Variants in FBXL7 observed in about 807,000 individuals in gnomAD.
FBXL7 encodes the protein F-box/LRR-repeat protein 7.
FBXL7 carries 12 observed loss-of-function variants against 38.3 expected under a neutral mutation model. The ratio of observed to expected loss-of-function variants is 0.31; its 90% CI spans 0.20 to 0.51. The LOEUF (loss-of-function observed/expected upper bound fraction) is 0.51. FBXL7 is among the 20% of genes least tolerant of loss of function. The pLI is 0.98. For synonymous variants in FBXL7, 297 were observed against 300.9 expected (o/e 0.99, Z 0.13); for missense variants, 567 against 676.4 (o/e 0.84, Z 1.79).
chr5:15,760,522 C>A (rs1046770809), intron 2 of FBXL7, among the ~76,000 whole-genome samples: 2 of 151,856 alleles, frequency 1.3e-5, no homozygotes, highest in South Asian at 4.2e-4. Context: ...TTTTCACAGG[C>A]TCATCATTGC....
chr5:15,526,964 A>G (rs1288926001), intron 1 of FBXL7, among the ~76,000 whole-genome samples: 2 of 152,204 alleles, frequency 1.3e-5, no homozygotes, highest in Admixed American at 1.3e-4. Context: ...GGTTTATTTC[A>G]AAATGAATCT....
chr5:15,632,710 C>T (rs1741040800), intron 2 of FBXL7, among the ~76,000 whole-genome samples: 1 of 152,114 alleles, frequency 6.6e-6, no homozygotes, highest in South Asian at 2.1e-4. Flanking sequence ...AAAATTATGT[C>T]CTTTGCAGTA....
chr5:15,857,304 G>A (rs1183666839), intron 2 of FBXL7, among the ~76,000 whole-genome samples: 1 of 152,118 alleles, frequency 6.6e-6, no homozygotes, highest in African/African-American at 2.4e-5. Context: ...AGAGTTCCAG[G>A]CACTGTTCTA....
chr5:15,792,460 A>G (rs751765861), intron 2 of FBXL7, among the ~76,000 whole-genome samples: 2 of 152,114 alleles, frequency 1.3e-5, no homozygotes, highest in African/African-American at 2.4e-5. Flanking sequence ...TGAAAGCTCA[A>G]TGTCTGAACG....
intron 2 of FBXL7, among the ~76,000 whole-genome samples, chr5:15,642,678 TTAGATAGGAGACAGAC>T (rs1210034221): frequency 7.9e-5 from 12 of 152,076 alleles, no homozygotes; most frequent in Non-Finnish European, 1.8e-4. Flanking sequence ...CTTTGTACTC[TTAGATAGGAGACAGAC>T]CTAGATAGGA....
At chr5:15,658,740 G>C (rs1741962346) in intron 2 of FBXL7, among the ~76,000 whole-genome samples, 1 of 152,088 alleles carries the variant, frequency 6.6e-6, no homozygotes, top group Admixed American at 6.6e-5. Context: ...AATCAGAACG[G>C]AACAGAACAG....
chr5:15,526,281 C>T (rs1176974779), intron 1 of FBXL7, among the ~76,000 whole-genome samples: 4 of 152,004 alleles, frequency 2.6e-5, no homozygotes, highest in Non-Finnish European at 4.4e-5. Context: ...TGGGCTGGCA[C>T]AGTGATCTTG....
intron 2 of FBXL7, among the ~76,000 whole-genome samples, chr5:15,692,992 T>C (rs1743226837): frequency 6.6e-6 from 1 of 152,164 alleles, no homozygotes; most frequent in African/African-American, 2.4e-5. Flanking sequence ...GTTGGAGTAA[T>C]GCTGCTTAAA....
chr5:15,646,995 A>C (rs1306311729), intron 2 of FBXL7, among the ~76,000 whole-genome samples: 1 of 152,184 alleles, frequency 6.6e-6, no homozygotes, highest in South Asian at 2.1e-4. Context: ...TCTGGTCTTC[A>C]AGTATTAAAT....
At chr5:15,673,991 T>C (rs1742570934) in intron 2 of FBXL7, among the ~76,000 whole-genome samples, 1 of 152,200 alleles carries the variant, frequency 6.6e-6, no homozygotes, top group Non-Finnish European at 1.5e-5. Context: ...GTTGGGAAAA[T>C]CAATCACATT....
At chr5:15,665,909 T>C (rs1742259722) in intron 2 of FBXL7, among the ~76,000 whole-genome samples, 1 of 152,214 alleles carries the variant, frequency 6.6e-6, no homozygotes, top group African/African-American at 2.4e-5. Flanking sequence ...TTTAGAACTA[T>C]GTAATCTTTT....
At chr5:15,825,945 G>A (rs915587078) in intron 2 of FBXL7, among the ~76,000 whole-genome samples, 5 of 152,140 alleles carry the variant, frequency 3.3e-5, no homozygotes, top group African/African-American at 9.7e-5. Context: ...ATTGATTACC[G>A]GGCTAGCGCT....
intron 1 of FBXL7, among the ~76,000 whole-genome samples, chr5:15,592,185 C>T (rs1488342697): frequency 1.3e-5 from 2 of 152,288 alleles, no homozygotes; most frequent in East Asian, 3.9e-4. Flanking sequence ...CTCTTACCTG[C>T]AAAATTCTAG....
intron 1 of FBXL7, among the ~76,000 whole-genome samples, chr5:15,606,343 C>T (rs1281793588): frequency 6.6e-6 from 1 of 152,118 alleles, no homozygotes; most frequent in Non-Finnish European, 1.5e-5. Flanking sequence ...TATGTATATT[C>T]TCATGCTTGC....
intron 1 of FBXL7, among the ~76,000 whole-genome samples, chr5:15,507,268 C>T (rs139148884): frequency 4.7e-4 from 71 of 152,140 alleles, no homozygotes; most frequent in Admixed American, 1.4e-3. Flanking sequence ...GATACTGTTC[C>T]ACTGTTAGTT....
At chr5:15,837,595 A>G (rs574504850) in intron 2 of FBXL7, among the ~76,000 whole-genome samples, 7 of 152,336 alleles carry the variant, frequency 4.6e-5, no homozygotes, top group African/African-American at 1.4e-4. Context: ...AAATTGAGCC[A>G]AATTCTAGAT....
rs747874500 is a variant in FBXL7, at chr5:15,928,275, G to A, written c.513G>A (p.Lys171=). The change falls in exon 3 of 4, where the codon AAG becomes AAA. Residue 171 remains lysine, a synonymous_variant. Coordinates refer to ENST00000504595, the MANE Select transcript of FBXL7 (RefSeq NM_012304.5). The surrounding 1 kb of genome is among the most constrained non-coding windows in gnomAD (Gnocchi z 4.0). ...CCATCAACGTGGACCGCGCCCTCAA[G>A]GTGCTGACCCGCAGACTCTGCCAGG... is the stretch of plus-strand genomic sequence containing the variant. ...GETINVDRAL[K]VLTRRLCQDT... The A allele has an allele frequency of 1.9e-6, 3 of 1,612,832 alleles. No individual in the cohort carries two copies. The highest frequency in any genetic ancestry group is 2.5e-6 in the Non-Finnish European group (3 of 1,179,414).
chr5:15,865,405 G>A (rs772004029), intron 2 of FBXL7, among the ~76,000 whole-genome samples: 2 of 152,136 alleles, frequency 1.3e-5, no homozygotes, highest in Non-Finnish European at 2.9e-5. Flanking sequence ...GTTCGAAGAG[G>A]GCTTTAAAGA....
At chr5:15,714,678 C>G (rs1354207533) in intron 2 of FBXL7, among the ~76,000 whole-genome samples, 2 of 151,964 alleles carry the variant, frequency 1.3e-5, no homozygotes, top group African/African-American at 4.8e-5. Flanking sequence ...GAAACCCCAT[C>G]TCTACTAAAA....
Sources: gnomAD v4.1 joint callset for allele counts (sites outside exome capture counted in the v4.1 genomes callset) on GRCh38, gnomAD v4.1.1 for gene constraint, Gnocchi (gnomAD v3.1) non-coding constraint, MANE v1.5 for transcripts, NCBI Gene and HGNC (gene_info 2026-07-23, HGNC 2026-07-21) for gene names.